DGCR8: variants seen among roughly 807,000 people sequenced by gnomAD.
DGCR8 encodes microprocessor complex subunit DGCR8.
DGCR8 carries 14 observed loss-of-function variants against 78.5 expected under a neutral mutation model. That is an observed-to-expected ratio of 0.18 (90% CI 0.12 to 0.28). DGCR8 has a LOEUF of 0.28. Ranked by LOEUF, DGCR8 falls within the 10% of genes least tolerant of loss-of-function variation. The probability of loss-of-function intolerance (pLI) is 1.00; values close to 1 mark genes in which losing one functional copy is unlikely to be tolerated. For synonymous variants in DGCR8, 399 were observed against 402.4 expected (o/e 0.99, Z 0.10); for missense variants, 702 against 1,022.5 (o/e 0.69, Z 4.28).
In DGCR8 at chr22:20,086,843, G is replaced by A; in HGVS notation, c.720+160G>A. 1 of 958,318 alleles carries A rather than the reference G, an allele frequency of 1.0e-6. No individual in the cohort carries two copies. The highest frequency in any genetic ancestry group is 1.7e-5 in the South Asian group (1 of 57,404). The allele number at this position is 958,318 out of a possible 1,614,324, so 59.4% of individuals were successfully genotyped here. ...ATGTTAATGTGGAGAAGAGAAAGAT[G>A]TAAGGAGTCCAGATTTTTAAAGTTT... On this transcript the variant is annotated intron_variant, in intron 2 of 13. Coordinates refer to ENST00000351989, the MANE Select transcript of DGCR8 (RefSeq NM_022720.7). This position sits in a 1 kb window ranked among gnomAD's most constrained non-coding sequence, Gnocchi z 6.4.
intron 7 of DGCR8, among the ~76,000 whole-genome samples, 173 bp downstream of exon 7, chr22:20,092,143 T>C (rs1373031914): frequency 6.6e-6 from 1 of 152,144 alleles, no homozygotes; most frequent in Non-Finnish European, 1.5e-5. Context: ...CCGCGCCCCA[T>C]CTGAGTGGGT....
At chr22:20,102,136 T>C in intron 9 of DGCR8, 1 of 922,784 alleles carries the variant, frequency 1.1e-6, no homozygotes, top group Non-Finnish European at 1.3e-6. Context: ...CACTTTTTGG[T>C]ACAGTACTGT....
rs2147920193 is a variant in DGCR8, at chr22:20,089,645, G to A, written c.881-24G>A. 1 of 1,613,080 alleles carries A rather than the reference G, an allele frequency of 6.2e-7. No individual in the cohort carries two copies. The highest frequency in any genetic ancestry group is 8.5e-7 in the Non-Finnish European group (1 of 1,179,604). On this transcript the variant is annotated intron_variant, in intron 3 of 13. Transcript: ENST00000351989. The surrounding 1 kb of genome is among the most constrained non-coding windows in gnomAD (Gnocchi z 4.9). ...TCCAAGTGTTTTTACAGTGATTATA[G>A]GATGTTCTTGTCTTCCTGTGCAGGT...
intron 11 of DGCR8, chr22:20,106,968 A>G (rs985997718): frequency 5.7e-5 from 33 of 574,606 alleles, no homozygotes; most frequent in Non-Finnish European, 9.3e-6. Flanking sequence ...TCGAACAGCC[A>G]GCAGAATCCT....
Position 20,091,921 on chromosome 22 carries a change from C to T in DGCR8, c.1557C>T (p.Tyr519=), listed in dbSNP as rs929148321. ...GKSEVCILHE[Y]MQRVLKVRPV... ...CCGAGGTCTGCATCCTGCACGAGTA[C>T]ATGCAGCGTGTCCTCAAGGTCCGCC... The change falls in exon 7 of 14, where the codon TAC becomes TAT. Residue 519 remains tyrosine, a synonymous_variant. Coordinates refer to ENST00000351989, the MANE Select transcript of DGCR8 (RefSeq NM_022720.7). The T allele has an allele frequency of 1.4e-5, 23 of 1,614,082 alleles. No individual in the cohort carries two copies. Among genetic ancestry groups the T allele is most frequent in the African/African-American group, 4.0e-5 (3 of 74,934 alleles).
intron 9 of DGCR8, among the ~76,000 whole-genome samples, chr22:20,097,907 T>C (rs1232524851): frequency 2.7e-5 from 4 of 149,726 alleles, no homozygotes. Context: ...GGCGGGCAGA[T>C]CACAAGGTCA....
In DGCR8 at chr22:20,110,170, C is replaced by A; in HGVS notation, c.*62C>A. 2.0e-6 allele frequency: 3 copies of A among 1,523,004 alleles called. No homozygotes were observed. Among genetic ancestry groups the A allele is most frequent in the South Asian group, 2.2e-5 (2 of 89,176 alleles). The allele number at this position is 1,523,004 out of a possible 1,614,324, so 94.3% of individuals were successfully genotyped here. A position where few individuals can be genotyped will look rare whatever the true frequency, so the allele number is the denominator to read the frequency against. The stretch of plus-strand genomic sequence containing the variant: ...CCGCACTTCTGAGGAGACCAGCAGT[C>A]ATGCATCGTGCACCACAGTGTCAGG... On this transcript the variant is annotated 3_prime_UTR_variant, in exon 14 of 14. Transcript: ENST00000351989.
chr22:20,101,581 A>G (rs1435550684), intron 9 of DGCR8: 1 of 984,884 alleles, frequency 1.0e-6, no homozygotes, highest in Non-Finnish European at 1.2e-6. Flanking sequence ...ATGTCTCAAA[A>G]AAAAAAAAAT....
At chr22:20,096,430 T>C (rs1389687898) in intron 9 of DGCR8, 1 of 985,250 alleles carries the variant, frequency 1.0e-6, no homozygotes, top group Non-Finnish European at 1.2e-6. Flanking sequence ...GAAGAACCAT[T>C]TAAAACTAGC....
At chr22:20,106,744 C>G in intron 11 of DGCR8, 46 bp downstream of exon 11, 1 of 1,388,974 alleles carries the variant, frequency 7.2e-7, no homozygotes, top group Non-Finnish European at 1.0e-6. Flanking sequence ...GGCGGGCGGC[C>G]CCTGGTGTGG....
intron 6 of DGCR8, 103 bp from the exon 7 acceptor site, chr22:20,091,766 C>A (rs1457856795): frequency 1.3e-6 from 2 of 1,486,618 alleles, no homozygotes; most frequent in Non-Finnish European, 1.9e-6. Context: ...GGGTCTGCCA[C>A]ATTCACGGTC....
chr22:20,111,305 G>A lies in DGCR8; in HGVS notation c.*1197G>A. Reference sequence around the variant, plus strand: ...TTGTGGTGCGCCATCTGAAGCAAGAGTCCAGCGTTCTGCCGTGTCTGTCCC... The same window carrying A: ...TTGTGGTGCGCCATCTGAAGCAAGAATCCAGCGTTCTGCCGTGTCTGTCCC... On this transcript the variant is annotated 3_prime_UTR_variant, in exon 14 of 14. Transcript: ENST00000351989. 7.5e-6 allele frequency: 3 copies of A among 398,820 alleles called. No individual in the cohort carries two copies. Among genetic ancestry groups the A allele is most frequent in the African/African-American group, 2.1e-5 (1 of 48,704 alleles). The allele number at this position is 398,820 out of a possible 1,614,324, so 24.7% of individuals were successfully genotyped here. A position where few individuals can be genotyped will look rare whatever the true frequency, so the allele number is the denominator to read the frequency against.
chr22:20,096,611 C>A, intron 9 of DGCR8: 1 of 390,922 alleles, frequency 2.6e-6, no homozygotes, highest in Non-Finnish European at 3.5e-6. Flanking sequence ...ACCATCATAA[C>A]TACCTAATTT....
chr22:20,108,580 A>G (rs895516204), intron 12 of DGCR8: 1 of 299,430 alleles, frequency 3.3e-6, no homozygotes, highest in Non-Finnish European at 6.6e-6. Context: ...CTTGATGAGG[A>G]CTCTGGGCAC....
chr22:20,084,237 G>A (rs917119199), intron 1 of DGCR8, among the ~76,000 whole-genome samples: 1 of 152,224 alleles, frequency 6.6e-6, no homozygotes, highest in East Asian at 1.9e-4. Context: ...AATGTGTGAT[G>A]TCTGCATCTC....
At chr22:20,106,321 G>C in intron 10 of DGCR8, 44 bp downstream of exon 10, 1 of 1,494,810 alleles carries the variant, frequency 6.7e-7, no homozygotes, top group Non-Finnish European at 9.3e-7. Context: ...GGTCGGGGGA[G>C]CTCCTCTCTG....
chr22:20,093,507 C>T (rs969541838), intron 8 of DGCR8, among the ~76,000 whole-genome samples: 3 of 152,180 alleles, frequency 2.0e-5, no homozygotes, highest in Non-Finnish European at 4.4e-5. Flanking sequence ...CTAGAGCCAA[C>T]TGGGCTGTGC....
intron 12 of DGCR8, chr22:20,107,653 T>G: frequency 2.0e-6 from 1 of 501,790 alleles, no homozygotes; most frequent in Non-Finnish European, 3.6e-6. Flanking sequence ...ATGTGGCTTG[T>G]AGGGAGATGG....
intron 1 of DGCR8, 180 bp downstream of exon 1, chr22:20,080,563 G>A: frequency 1.2e-6 from 1 of 860,004 alleles, no homozygotes; most frequent in Non-Finnish European, 1.4e-6. Context: ...GGGTGGGGAC[G>A]CCTCCGGGGC....
Sources: allele counts gnomAD v4.1 joint callset (sites outside exome capture counted in the v4.1 genomes callset), GRCh38; gene constraint gnomAD v4.1.1; non-coding constraint Gnocchi (gnomAD v3.1); transcripts MANE v1.5; gene names NCBI Gene and HGNC (gene_info 2026-07-23, HGNC 2026-07-21).